ALG12: variants seen among roughly 807,000 people sequenced by gnomAD.
The protein encoded by ALG12 is dol-P-Man:Man(7)GlcNAc(2)-PP-Dol alpha-1,6-mannosyltransferase.
Under a neutral mutation model 46.0 loss-of-function variants are expected in ALG12, and 36 were observed. The ratio of observed to expected loss-of-function variants is 0.78; its 90% CI spans 0.60 to 1.03. The LOEUF is 1.03. ALG12 is among the 50% of genes least tolerant of loss of function. ALG12 has a pLI of 0.00. For synonymous variants in ALG12, 326 were observed against 291.6 expected, an observed-to-expected ratio of 1.12 and a Z score of -1.20; for missense variants, 599 against 633.5, an observed-to-expected ratio of 0.95 and a Z score of 0.58.
the ALG12 span, among the ~76,000 whole-genome samples, chr22:49,890,812 C>T: frequency 2.0e-3 from 306 of 152,216 alleles, 3 homozygotes; most frequent in African/African-American, 7.0e-3. Flanking sequence ...GTCAGGAAAT[C>T]GAGACCATCC....
At chr22:49,918,164 C>G (rs1292297808) in intron 1 of ALG12, 99 bp downstream of exon 1, 1 of 152,372 alleles carries the variant, frequency 6.6e-6, no homozygotes, top group Non-Finnish European at 1.5e-5. Flanking sequence ...CCTCAGGAAT[C>G]CAGCGCCAGC....
At position 49,905,831 on chromosome 22, in the gene ALG12, G is replaced by T. The variant is rs1403552397; in HGVS notation, c.993-1325C>A. ...CTCTGGTGCGGTTTCTGAGCTCGAG[G>T]CCCCACCTAGGATGACCGCAGCCTC... On this transcript the variant is annotated intron_variant, in intron 7 of 9. Transcript: ENST00000330817. This position sits in a 1 kb window ranked among gnomAD's most constrained non-coding sequence, Gnocchi z 4.9. Among the ~76,000 whole-genome samples the T allele has an allele frequency of 6.6e-5, 10 of 152,126 alleles. No individual in the cohort carries two copies. The highest frequency in any genetic ancestry group is 2.4e-4 in the African/African-American group (10 of 41,426).
the ALG12 span, among the ~76,000 whole-genome samples, chr22:49,893,921 T>C: frequency 6.6e-6 from 1 of 152,146 alleles, no homozygotes; most frequent in Non-Finnish European, 1.5e-5. Flanking sequence ...CCCAGCACTT[T>C]GGGAGGCCAA....
At chr22:49,911,375 C>T (rs933696553) in intron 3 of ALG12, among the ~76,000 whole-genome samples, 3 of 152,138 alleles carry the variant, frequency 2.0e-5, no homozygotes, top group Non-Finnish European at 4.4e-5. Flanking sequence ...TCCCAGAATA[C>T]CCCATGTGCA....
In ALG12 at chr22:49,903,919, C is replaced by T; in HGVS notation, c.1386G>A (p.Leu462=). The part of the protein sequence containing the change: ...ASVVGTTGVS[L]NLTQLPPFNV... ...TGAAGGGGGGCAGTTGGGTCAGGTT[C>T]AGACTCACACCTGTGGTCCCCACGA... Residue 462 remains leucine (L), a synonymous_variant, in exon 10 of 10, where the codon CTG becomes CTA. Coordinates refer to ENST00000330817, the MANE Select transcript of ALG12 (RefSeq NM_024105.4). 6.2e-7 allele frequency: 1 copy of T among 1,614,172 alleles called. No individual in the cohort carries two copies. Among genetic ancestry groups the T allele is most frequent in the Non-Finnish European group, 8.5e-7 (1 of 1,180,004 alleles).
At chr22:49,897,663 C>CT (rs146468551), downstream of ALG12, among the ~76,000 whole-genome samples, 7,907 of 103,558 alleles carry the variant, frequency 0.076, 481 homozygotes, top group South Asian at 0.14. Flanking sequence ...CCCATGTTTT[C>CT]TTTTTTTTTT....
chr22:49,885,228 C>T, the ALG12 span: 4 of 1,612,796 alleles, frequency 2.5e-6, no homozygotes, highest in Admixed American at 5.0e-5. Context: ...GTCTGGCAAA[C>T]TCTCCGTATG....
At chr22:49,910,402 T>G in intron 4 of ALG12, 32 bp downstream of exon 4, 2 of 1,609,038 alleles carry the variant, frequency 1.2e-6, no homozygotes, top group Non-Finnish European at 1.7e-6. Flanking sequence ...CCCGGCACCA[T>G]GGGTGTGCAG....
At chr22:49,916,074 A>G (rs2060607508) in intron 1 of ALG12, among the ~76,000 whole-genome samples, 1 of 151,468 alleles carries the variant, frequency 6.6e-6, no homozygotes, top group Admixed American at 6.6e-5. Flanking sequence ...CTTGGCCAAC[A>G]TGGTAAAACC....
chr22:49,879,187 C>T, the ALG12 span, among the ~76,000 whole-genome samples: 6 of 151,040 alleles, frequency 4.0e-5, no homozygotes, highest in African/African-American at 1.2e-4. Flanking sequence ...TGAAGTGGCG[C>T]AATCTCGGCT....
chr22:49,874,742 C>T, the ALG12 span, among the ~76,000 whole-genome samples: 1 of 124,338 alleles, frequency 8.0e-6, no homozygotes, highest in Non-Finnish European at 1.6e-5. Context: ...GGCAATGGCT[C>T]GATCTCAGCT....
chr22:49,898,766 T>C (rs2060493260), downstream of ALG12, among the ~76,000 whole-genome samples: 1 of 152,168 alleles, frequency 6.6e-6, no homozygotes, highest in South Asian at 2.1e-4. Context: ...CTTTCTTTTC[T>C]TAAGAGATAG....
chr22:49,882,272 G>GT, the ALG12 span, among the ~76,000 whole-genome samples: 1 of 152,142 alleles, frequency 6.6e-6, no homozygotes, highest in African/African-American at 2.4e-5. Context: ...TAAGTTTGTG[G>GT]TGGGCGCATT....
the ALG12 span, chr22:49,883,806 C>T: frequency 6.2e-7 from 1 of 1,613,198 alleles, no homozygotes; most frequent in Non-Finnish European, 8.5e-7. Flanking sequence ...AGCAGGAGGA[C>T]ATGAAGCAGA....
chr22:49,917,334 C>T (rs2060617321), intron 1 of ALG12, among the ~76,000 whole-genome samples: 1 of 152,204 alleles, frequency 6.6e-6, no homozygotes, highest in African/African-American at 2.4e-5. Context: ...CTGCAAAGAC[C>T]CTCTTGTCCC....
In ALG12 at chr22:49,910,527, C is replaced by G. The variant is rs902725543; in HGVS notation, c.376G>C (p.Val126Leu). 5 of 1,614,102 alleles carry G rather than the reference C, an allele frequency of 3.1e-6. No individual in the cohort carries two copies. The highest frequency in any genetic ancestry group is 4.2e-6 in the Non-Finnish European group (5 of 1,180,038). Residue 126 changes from valine to leucine, a missense_variant, in exon 4 of 10, where the codon GTG becomes CTG. By Grantham distance (32) the Val-to-Leu change is conservative (BLOSUM62 1). Transcript: ENST00000330817. ...GTCACCCAGCAGAACATGGTGGCCA[C>G]CATGGCCCCGAAGTGCCGTCTCACT... ...KEVRRHFGAM[V>L]ATMFCWVTAM...
intron 6 of ALG12, among the ~76,000 whole-genome samples, chr22:49,908,830 T>C (rs959941864): frequency 2.3e-4 from 34 of 151,032 alleles, no homozygotes; most frequent in African/African-American, 7.8e-4. Flanking sequence ...CGTGCGCCTA[T>C]AGTCCCAGCT....
At chr22:49,897,732 G>C (rs2060489191), downstream of ALG12, among the ~76,000 whole-genome samples, 2 of 143,366 alleles carry the variant, frequency 1.4e-5, no homozygotes, top group Non-Finnish European at 3.0e-5. Flanking sequence ...CTGTGGTGCA[G>C]TCTTGGCTCA....
the ALG12 span, among the ~76,000 whole-genome samples, chr22:49,878,017 T>C: frequency 1.3e-5 from 2 of 152,176 alleles, no homozygotes; most frequent in Admixed American, 6.5e-5. Flanking sequence ...TAAGTCTTCA[T>C]ACAGAGGCCA....
Sources: allele counts gnomAD v4.1 joint callset (sites outside exome capture counted in the v4.1 genomes callset), GRCh38; gene constraint gnomAD v4.1.1; non-coding constraint Gnocchi (gnomAD v3.1); transcripts MANE v1.5; gene names NCBI Gene and HGNC (gene_info 2026-07-23, HGNC 2026-07-21).